Variants in FOXN3 observed in about 807,000 individuals in gnomAD.
FOXN3 encodes forkhead box N3, also known as forkhead box protein N3.
A neutral mutation model predicts 38.4 loss-of-function variants in FOXN3; 7 were observed. That is an observed-to-expected ratio of 0.18 (90% CI 0.10 to 0.34). The LOEUF (loss-of-function observed/expected upper bound fraction) is 0.34. Among genes scored for constraint, FOXN3 ranks in the 10% least tolerant of loss-of-function variants. FOXN3 has a pLI of 1.00. For synonymous variants in FOXN3, 230 were observed against 242.2 expected (o/e 0.95, Z 0.47); for missense variants, 456 against 613.4 (o/e 0.74, Z 2.71).
chr14:89,532,153 C>T (rs939308495), intron 1 of FOXN3, among the ~76,000 whole-genome samples: 5 of 152,212 alleles, frequency 3.3e-5, no homozygotes, highest in African/African-American at 1.2e-4. Context: ...ACACTGATAG[C>T]CAAGAAGCAC....
At chr14:89,608,982 A>T (rs1159088763) in intron 1 of FOXN3, among the ~76,000 whole-genome samples, 1 of 152,208 alleles carries the variant, frequency 6.6e-6, no homozygotes, top group Non-Finnish European at 1.5e-5. Context: ...CCAGTGAATG[A>T]AAGTGGTGAC....
At chr14:89,179,085 G>C (rs920371319) in intron 5 of FOXN3, among the ~76,000 whole-genome samples, 1 of 152,176 alleles carries the variant, frequency 6.6e-6, no homozygotes, top group Admixed American at 6.5e-5. Flanking sequence ...ATGGAAAGAG[G>C]CTTACCACTT....
intron 1 of FOXN3, among the ~76,000 whole-genome samples, chr14:89,463,962 T>G (rs1285305279): frequency 6.6e-6 from 1 of 152,102 alleles, no homozygotes; most frequent in Non-Finnish European, 1.5e-5. Context: ...TTTTGAATTT[T>G]TAGTAGAGGT....
At chr14:89,514,113 G>A (rs903167389) in intron 1 of FOXN3, among the ~76,000 whole-genome samples, 1 of 152,100 alleles carries the variant, frequency 6.6e-6, no homozygotes, top group Admixed American at 6.6e-5. Context: ...AAGATAATAA[G>A]GGGACAAGCC....
chr14:89,319,590 A>G (rs1887841341), intron 3 of FOXN3, among the ~76,000 whole-genome samples: 1 of 152,026 alleles, frequency 6.6e-6, no homozygotes, highest in Non-Finnish European at 1.5e-5. Context: ...CAGGAGCCCC[A>G]CTTCTAGGTC....
At chr14:89,221,059 C>A (rs1012585119) in intron 4 of FOXN3, among the ~76,000 whole-genome samples, 3 of 151,974 alleles carry the variant, frequency 2.0e-5, no homozygotes, top group Non-Finnish European at 4.4e-5. Flanking sequence ...CAACAAGCAG[C>A]AGAGGCAATA....
chr14:89,180,555 C>T (rs2139795438), intron 5 of FOXN3, 146 bp downstream of exon 5: 1 of 518,340 alleles, frequency 1.9e-6, no homozygotes, highest in East Asian at 3.3e-5. Context: ...CTTGGGGTTA[C>T]TTTCACATTT....
intron 1 of FOXN3, among the ~76,000 whole-genome samples, chr14:89,607,890 C>T (rs1228558109): frequency 1.3e-5 from 2 of 151,926 alleles, no homozygotes; most frequent in Non-Finnish European, 2.9e-5. Context: ...TATCTTGGCT[C>T]ACTGCAACCT....
intron 4 of FOXN3, among the ~76,000 whole-genome samples, chr14:89,235,718 G>A (rs1168442475): frequency 1.3e-5 from 2 of 152,192 alleles, no homozygotes; most frequent in African/African-American, 4.8e-5. Context: ...GAAAGAGGGA[G>A]GTCAGAGTGA....
chr14:89,213,323 G>C (rs1380093323), intron 4 of FOXN3, among the ~76,000 whole-genome samples: 2 of 152,226 alleles, frequency 1.3e-5, no homozygotes. Flanking sequence ...CTCATTGAAA[G>C]CCCCAAGACA....
intron 1 of FOXN3, among the ~76,000 whole-genome samples, chr14:89,544,120 G>C (rs148312512): frequency 0.012 from 1,771 of 150,380 alleles, 34 homozygotes; most frequent in African/African-American, 0.041. Flanking sequence ...TTTTGAGACA[G>C]AGTCTTGCTC....
At chr14:89,389,925 A>C (rs1019816200) in intron 2 of FOXN3, among the ~76,000 whole-genome samples, 3 of 152,126 alleles carry the variant, frequency 2.0e-5, no homozygotes, top group East Asian at 1.9e-4. Context: ...TTATAAACAA[A>C]AAAAAAAATT....
intron 2 of FOXN3, among the ~76,000 whole-genome samples, chr14:89,397,358 A>G (rs1716044609): frequency 6.6e-6 from 1 of 151,760 alleles, no homozygotes; most frequent in Non-Finnish European, 1.5e-5. Flanking sequence ...AGGTGGTGAA[A>G]TAATCTGTAC....
Position 89,158,843 on chromosome 14 carries a change from A to G in FOXN3, c.*3571T>C, listed in dbSNP as rs1887035717. 1 of 152,544 alleles carries G rather than the reference A, an allele frequency of 6.6e-6. No individual in the cohort carries two copies. The highest frequency in any genetic ancestry group is 6.5e-5 in the Admixed American group (1 of 15,268). 9.4% of individuals were successfully genotyped at this position (152,544 alleles called of 1,614,324 possible). A position where few individuals can be genotyped will look rare whatever the true frequency, so the allele number is the denominator to read the frequency against. ...GTTGGTTTCCAAAGCATCTTTAAAT[A>G]TTGCTATAGTTCCCCGTTTCCCCCT... On this transcript the variant is annotated 3_prime_UTR_variant, in exon 6 of 6. Transcript: ENST00000557258.
chr14:89,189,767 T>C (rs1388511159), intron 4 of FOXN3, among the ~76,000 whole-genome samples: 2 of 152,214 alleles, frequency 1.3e-5, no homozygotes, highest in East Asian at 1.9e-4. Flanking sequence ...AAACTTGACA[T>C]TGTTGAAGGC....
At chr14:89,600,694 T>C (rs74634958) in intron 1 of FOXN3, among the ~76,000 whole-genome samples, 1,657 of 152,284 alleles carry the variant, frequency 0.011, 18 homozygotes, top group African/African-American at 0.038. Flanking sequence ...CAGTGGCTCA[T>C]TGCATTAACA....
chr14:89,358,682 G>T (rs1889333723), intron 2 of FOXN3, among the ~76,000 whole-genome samples: 1 of 152,194 alleles, frequency 6.6e-6, no homozygotes, highest in South Asian at 2.1e-4. Flanking sequence ...GGGTCCTCAT[G>T]TCTCCAACTC....
chr14:89,577,579 C>T (rs776359783), intron 1 of FOXN3: 33 of 152,170 alleles, frequency 2.2e-4, no homozygotes, highest in Admixed American at 1.8e-3. Flanking sequence ...GGGGCAATCA[C>T]GGGGAATTTC....
chr14:89,401,038 C>T (rs1891230893), intron 2 of FOXN3, among the ~76,000 whole-genome samples: 1 of 152,208 alleles, frequency 6.6e-6, no homozygotes, highest in South Asian at 2.1e-4. Context: ...GCACCCAAAA[C>T]AGTGCCTGGC....
Sources: allele counts gnomAD v4.1 joint callset (sites outside exome capture counted in the v4.1 genomes callset), GRCh38; gene constraint gnomAD v4.1.1; transcripts MANE v1.5; gene names NCBI Gene and HGNC (gene_info 2026-07-23, HGNC 2026-07-21).